Variants in HDAC9 observed in about 807,000 individuals in gnomAD.
HDAC9 encodes the protein histone deacetylase 9, also known as MEF-2 interacting transcription repressor (MITR) protein.
In HDAC9, 41 loss-of-function variants were observed where a neutral mutation model predicts 139.4. That is an observed-to-expected ratio of 0.29 (90% CI 0.23 to 0.38). The LOEUF (loss-of-function observed/expected upper bound fraction) is 0.38. Ranked by LOEUF, HDAC9 falls within the 10% of genes least tolerant of loss-of-function variation. The pLI, the probability that HDAC9 is intolerant of heterozygous loss-of-function variation, is 1.00. For missense variants in HDAC9, 1,147 were observed against 1,297.0 expected, an observed-to-expected ratio of 0.88 and a Z score of 1.78; for synonymous variants, 517 against 476.2, an observed-to-expected ratio of 1.09 and a Z score of -1.12.
At chr7:18,635,845 G>T (rs983401692) in intron 8 of HDAC9, among the ~76,000 whole-genome samples, 3 of 151,916 alleles carry the variant, frequency 2.0e-5, no homozygotes, top group Non-Finnish European at 4.4e-5. Flanking sequence ...TGCTTATAGG[G>T]AGCTCACTTC....
chr7:18,874,736 T>C, intron 22 of HDAC9, 140 bp downstream of exon 22: 1 of 592,528 alleles, frequency 1.7e-6, no homozygotes, highest in East Asian at 2.8e-5. Flanking sequence ...TGTTTATTGC[T>C]CTGTCGGATT....
intron 12 of HDAC9, among the ~76,000 whole-genome samples, chr7:18,705,852 C>CAAAAAAAAAAAAAAA (rs376206693): frequency 1.2e-5 from 1 of 82,016 alleles, no homozygotes; most frequent in Non-Finnish European, 2.1e-5. Context: ...GACTCTGTCT[C>CAAAAAAAAAAAAAAA]AAAAAAAAAA....
intron 2 of HDAC9, among the ~76,000 whole-genome samples, chr7:18,175,854 A>G (rs1788857895): frequency 1.4e-5 from 2 of 142,064 alleles, no homozygotes; most frequent in South Asian, 4.6e-4. Context: ...TGCTCCTCAC[A>G]TATCATTGCA....
intron 1 of HDAC9, among the ~76,000 whole-genome samples, chr7:18,486,048 A>C (rs773899593): frequency 8.6e-4 from 131 of 152,224 alleles, no homozygotes; most frequent in Non-Finnish European, 1.7e-3. Flanking sequence ...TTCTTATTTC[A>C]TCATCCCGTG....
intron 6 of HDAC9, among the ~76,000 whole-genome samples, chr7:18,623,117 C>T (rs867624248): frequency 1.0e-3 from 155 of 149,684 alleles, no homozygotes; most frequent in African/African-American, 3.7e-3. Context: ...GCACTCCAGC[C>T]TGGGTGACAG....
At chr7:18,708,191 T>G (rs1784081892) in intron 12 of HDAC9, among the ~76,000 whole-genome samples, 1 of 152,172 alleles carries the variant, frequency 6.6e-6, no homozygotes, top group African/African-American at 2.4e-5. Context: ...TGGCGTCTAT[T>G]TCCTTTGTGA....
chr7:18,198,068 C>T (rs1790848355), intron 2 of HDAC9, among the ~76,000 whole-genome samples: 1 of 152,118 alleles, frequency 6.6e-6, no homozygotes. Flanking sequence ...TGAGTAACTT[C>T]AGAAAATAAA....
At chr7:18,446,022 G>C (rs1246253217) in intron 1 of HDAC9, among the ~76,000 whole-genome samples, 1 of 152,166 alleles carries the variant, frequency 6.6e-6, no homozygotes, top group Admixed American at 6.5e-5. Context: ...CCTTTCTCTG[G>C]AACAAGTAAG....
chr7:18,168,881 T>G (rs927850984), intron 2 of HDAC9, among the ~76,000 whole-genome samples: 12 of 92,744 alleles, frequency 1.3e-4, no homozygotes, highest in African/African-American at 5.0e-4. Flanking sequence ...AATGTCTTGT[T>G]TTTTTTTTTT....
intron 1 of HDAC9, among the ~76,000 whole-genome samples, chr7:18,137,452 A>G (rs1425544164): frequency 6.6e-6 from 1 of 151,660 alleles, no homozygotes; most frequent in Non-Finnish European, 1.5e-5. Context: ...TGTCATAGAT[A>G]GCTCTTATTA....
intron 2 of HDAC9, among the ~76,000 whole-genome samples, chr7:18,172,391 A>G (rs563366203): frequency 6.6e-6 from 1 of 152,122 alleles, no homozygotes; most frequent in South Asian, 2.1e-4. Flanking sequence ...TGATCTTTTC[A>G]AAAAACCAGC....
At chr7:18,165,239 TCCAGACTCCTC>T (rs1410812191) in intron 2 of HDAC9, among the ~76,000 whole-genome samples, 2 of 152,174 alleles carry the variant, frequency 1.3e-5, no homozygotes, top group African/African-American at 4.8e-5. Flanking sequence ...AATACAGATT[TCCAGACTCCTC>T]CCTGAAAGAG....
intron 2 of HDAC9, among the ~76,000 whole-genome samples, chr7:18,555,865 T>G: frequency 6.6e-6 from 1 of 152,094 alleles, no homozygotes; most frequent in East Asian, 1.9e-4. Flanking sequence ...TGAGAAATTT[T>G]TATAACATGG....
At chr7:18,528,870 G>A (rs549898078) in intron 2 of HDAC9, among the ~76,000 whole-genome samples, 12 of 152,218 alleles carry the variant, frequency 7.9e-5, no homozygotes, top group Admixed American at 2.6e-4. Flanking sequence ...GCCCAGTCTA[G>A]GGTGTGCATA....
intron 1 of HDAC9, among the ~76,000 whole-genome samples, chr7:18,157,182 G>A (rs539086175): frequency 6.6e-6 from 1 of 152,200 alleles, no homozygotes; most frequent in African/African-American, 2.4e-5. Flanking sequence ...ATGATACTGT[G>A]CAGGAATAGT....
chr7:18,590,314 C>T (rs937368837), intron 3 of HDAC9, 22 bp from the exon 4 acceptor site: 1 of 1,611,064 alleles, frequency 6.2e-7, no homozygotes, highest in Non-Finnish European at 8.5e-7. Flanking sequence ...TGCACACTCT[C>T]ATGTCTTTCT....
chr7:18,954,379 T>C (rs1266567915), intron 24 of HDAC9, 149 bp downstream of exon 24: 8 of 629,328 alleles, frequency 1.3e-5, no homozygotes, highest in Middle Eastern at 4.4e-4. Context: ...TTGCTCTTAA[T>C]GCAGCAATCT....
At chr7:18,943,434 G>C (rs1782157688) in intron 23 of HDAC9, among the ~76,000 whole-genome samples, 1 of 151,806 alleles carries the variant, frequency 6.6e-6, no homozygotes, top group Admixed American at 6.6e-5. Context: ...TTTATTTTTA[G>C]GTTTATTTTT....
intron 1 of HDAC9, among the ~76,000 whole-genome samples, chr7:18,383,963 C>G (rs1324145172): frequency 6.6e-6 from 1 of 151,156 alleles, no homozygotes; most frequent in Non-Finnish European, 1.5e-5. Context: ...CTTAAATGTA[C>G]TAGTTACAAA....
Sources: gnomAD v4.1 joint callset for allele counts (sites outside exome capture counted in the v4.1 genomes callset) on GRCh38, gnomAD v4.1.1 for gene constraint, MANE v1.5 for transcripts, NCBI Gene and HGNC (gene_info 2026-07-23, HGNC 2026-07-21) for gene names.